Variants in NAIP observed in about 807,000 individuals in gnomAD.
NAIP encodes baculoviral IAP repeat-containing protein 1.
In NAIP, 15 loss-of-function variants were observed where a neutral mutation model predicts 23.0. That is an observed-to-expected ratio of 0.65 (90% CI 0.44 to 1.00). The LOEUF is 1.00. NAIP is among the 50% of genes least tolerant of loss of function. The probability of loss-of-function intolerance (pLI) is 0.00; values close to 1 mark genes in which losing one functional copy is unlikely to be tolerated. For synonymous variants in NAIP, 100 were observed against 100.2 expected (o/e 1.00, Z 0.01); for missense variants, 265 against 278.8 (o/e 0.95, Z 0.35).
At chr5:71,011,476 G>T in intron 4 of NAIP, 102 bp from the exon 5 acceptor site, 1 of 967,888 alleles carries the variant, frequency 1.0e-6, no homozygotes, top group Non-Finnish European at 1.6e-6. Flanking sequence ...CTCCAGCGTG[G>T]CTGTGCACTC....
At chr5:70,978,190 C>A in intron 13 of NAIP, among the ~76,000 whole-genome samples, 1 of 135,528 alleles carries the variant, frequency 7.4e-6, no homozygotes, top group African/African-American at 2.8e-5. Flanking sequence ...CTTGCTCTAT[C>A]ACCTAGGCTG....
chr5:70,978,004 A>G (rs1160094280), intron 13 of NAIP, among the ~76,000 whole-genome samples: 2 of 124,064 alleles, frequency 1.6e-5, no homozygotes, highest in African/African-American at 5.4e-5. Flanking sequence ...TCAAAAAAAA[A>G]AAAGAAACAT....
intron 4 of NAIP, 114 bp from the exon 5 acceptor site, chr5:71,011,488 C>T (rs1052911511): frequency 2.8e-5 from 24 of 856,026 alleles, no homozygotes; most frequent in African/African-American, 2.2e-4. Context: ...TGTGCACTCC[C>T]GATCTCATTG....
intron 12 of NAIP, among the ~76,000 whole-genome samples, chr5:70,980,825 G>GA (rs1368295831): frequency 2.2e-5 from 1 of 45,030 alleles, no homozygotes; most frequent in Non-Finnish European, 3.9e-5. Context: ...AGCAATAAAA[G>GA]AAAAAAACAG....
chr5:70,972,906 GT>G lies in NAIP; in HGVS notation c.3847+1222del, dbSNP rs140660294. Among the ~76,000 whole-genome samples the G allele has an allele frequency of 2.3e-4, 10 of 44,400 alleles. 1 individual carries two copies. Among genetic ancestry groups the G allele is most frequent in the African/African-American group, 1.7e-3 (9 of 5,292 alleles). The allele number at this position is 44,400 out of a possible 152,430, so 29.1% of individuals were successfully genotyped here. A position where few individuals can be genotyped will look rare whatever the true frequency, so the allele number is the denominator to read the frequency against. ...AAGTTGTCATTGTTTTTTGTTTTTT[GT>G]TTTTTTTTTTTGAGACGGAGTCTCG... On this transcript the variant is annotated intron_variant, in intron 16 of 16. Transcript: ENST00000517649.
chr5:71,012,332 A>C lies in NAIP; in HGVS notation c.568+16T>G, dbSNP rs754172182. 9 of 1,564,052 alleles carry C rather than the reference A, an allele frequency of 5.8e-6. No homozygotes were observed. The Admixed American group carries it at 9.7e-5, about 17-fold the overall frequency. ...AAAACGCCAGAGAAACACTTCAGAGAATAATTTCAAGGTACCTGTAAAGAC... is the reference window on the plus strand; with the variant it reads ...AAAACGCCAGAGAAACACTTCAGAGCATAATTTCAAGGTACCTGTAAAGAC... On this transcript the variant is annotated intron_variant, in intron 4 of 16. Coordinates refer to ENST00000517649, the MANE Select transcript of NAIP (RefSeq NM_004536.3).
At position 71,012,451 on chromosome 5, in the gene NAIP, C is replaced by A; in HGVS notation, c.465G>T (p.Arg155Ser). Reference sequence around the variant, plus strand: ...CAAGTCTAGCCTCCTCTTCTTGGTACCTCATTTTACCTCCTCTCAGCCTGC... The same window carrying A: ...CAAGTCTAGCCTCCTCTTCTTGGTAACTCATTTTACCTCCTCTCAGCCTGC... ...LKSRLRGGKM[R>S]YQEEEARLAS... The change falls in exon 4 of 17, where the codon AGG (arginine) becomes AGT (serine). Residue 155 changes from arginine to serine, a missense_variant. By Grantham distance (110) the Arg-to-Ser change is moderately radical (BLOSUM62 -1). Around this residue, in one of 2 missense-constraint regions of NAIP, gnomAD observed 261 missense variants for 259.2 expected, o/e 1.01. Coordinates refer to ENST00000517649, the MANE Select transcript of NAIP (RefSeq NM_004536.3). 2 of 1,611,604 alleles carry A rather than the reference C, an allele frequency of 1.2e-6. No individual in the cohort carries two copies. Among genetic ancestry groups the A allele is most frequent in the Non-Finnish European group, 1.7e-6 (2 of 1,178,304 alleles).
In NAIP at chr5:71,012,670, C is replaced by A. The variant is rs768947830; in HGVS notation, c.246G>T (p.Ala82=). 1 of 1,611,752 alleles carries A rather than the reference C, an allele frequency of 6.2e-7. No homozygotes were observed. ...CCCCAGTGAAGTAAAACCCAGCGGC[C>A]GCCATCTCCTGTGGTATCCATGAGC... is the stretch of plus-strand genomic sequence containing the variant. ...PYSSWIPQEM[A]AAGFYFTGVK... Residue 82 remains alanine, a synonymous_variant, in exon 4 of 17, where the codon GCG becomes GCT. Transcript: ENST00000517649.
At chr5:71,013,288 C>T (rs554721917) in intron 3 of NAIP, among the ~76,000 whole-genome samples, 16 of 151,172 alleles carry the variant, frequency 1.1e-4, no homozygotes, top group Middle Eastern at 3.4e-3. Context: ...CTGGCAGCAA[C>T]AATTTGATCG....
intron 13 of NAIP, among the ~76,000 whole-genome samples, chr5:70,979,599 T>A (rs1425175862): frequency 5.0e-5 from 5 of 100,714 alleles, no homozygotes; most frequent in East Asian, 2.6e-4. Flanking sequence ...ATAATAATAA[T>A]AATAATAATA....
At chr5:71,016,031 A>G (rs1355342786) in intron 3 of NAIP, among the ~76,000 whole-genome samples, 1 of 144,888 alleles carries the variant, frequency 6.9e-6, no homozygotes, top group Non-Finnish European at 1.5e-5. Flanking sequence ...CTATAACCCC[A>G]ATGCTCTTGA....
At chr5:70,989,820 CTT>C (rs1199975638) in intron 9 of NAIP, among the ~76,000 whole-genome samples, 11 of 6,678 alleles carry the variant, frequency 1.6e-3, no homozygotes, top group African/African-American at 6.5e-3. Context: ...CAAAGGGACA[CTT>C]TTTTTTTTTT....
intron 5 of NAIP, among the ~76,000 whole-genome samples, chr5:71,007,709 CT>C (rs1554084358): frequency 2.0e-5 from 3 of 148,870 alleles, no homozygotes; most frequent in Admixed American, 6.8e-5. Context: ...TATCCATTCA[CT>C]TTTTTTTTCT....
At position 71,012,425 on chromosome 5, in the gene NAIP, G is replaced by T. The variant is rs772712538; in HGVS notation, c.491C>A (p.Ala164Glu). The T allele has an allele frequency of 1.9e-6, 3 of 1,611,520 alleles. No individual in the cohort carries two copies. In the South Asian group the frequency reaches 3.3e-5, roughly 18 times the overall value. ...MRYQEEEARL[A>E]SFRNWPFYVQ... ...ATAAAATGGCCAGTTCCTGAAGGAC[G>T]CAAGTCTAGCCTCCTCTTCTTGGTA... The change falls in exon 4 of 17, where the codon GCG becomes GAG. Residue 164 changes from alanine (A) to glutamate (E), a missense_variant. Ala to Glu is a moderately radical substitution (Grantham distance 107, BLOSUM62 -1). Transcript: ENST00000517649.
At chr5:71,013,356 T>C (rs897577178) in intron 3 of NAIP, among the ~76,000 whole-genome samples, 3 of 151,282 alleles carry the variant, frequency 2.0e-5, no homozygotes, top group Non-Finnish European at 3.0e-5. Flanking sequence ...CTCGGTGCTC[T>C]GGCCGGGCGC....
intron 5 of NAIP, among the ~76,000 whole-genome samples, chr5:71,009,660 AG>A (rs1751054729): frequency 1.3e-5 from 2 of 151,550 alleles, no homozygotes; most frequent in African/African-American, 4.8e-5. Flanking sequence ...ACTGGGCAAC[AG>A]GGCGAGACTC....
Position 70,979,586 on chromosome 5 carries a change from A to T in NAIP, c.3442+283T>A, listed in dbSNP as rs1158936553. Among the ~76,000 whole-genome samples the T allele has an allele frequency of 5.0e-4, 18 of 35,842 alleles. 5 individuals carry two copies. The highest frequency in any genetic ancestry group is 1.0e-3 in the South Asian group (1 of 958). 23.5% of individuals were successfully genotyped at this position (35,842 alleles called of 152,430 possible). A position where few individuals can be genotyped will look rare whatever the true frequency, so the allele number is the denominator to read the frequency against. On this transcript the variant is annotated intron_variant, in intron 13 of 16. Transcript: ENST00000517649. ...GGAGACTGTCTCAAAAAAAAAAAAA[A>T]TAATAATAATAATAATAATAATAAT...
chr5:71,012,911 G>C lies in NAIP; in HGVS notation c.5C>G (p.Ala2Gly). The C allele has an allele frequency of 6.4e-7, 1 of 1,574,374 alleles. No homozygotes were observed. The highest frequency in any genetic ancestry group is 1.2e-5 in the South Asian group (1 of 85,132). M[A>G]TQQKASDERI... ...CTCGTCAGAGGCTTTCTGCTGGGTG[G>C]CCATTTTCTGAAAAGGAAAATAAAG... The change falls in exon 4 of 17, where the codon GCC becomes GGC. Residue 2 changes from alanine to glycine, a missense_variant. This residue lies in a region of NAIP where 261 missense variants were observed against 259.2 expected (regional missense o/e 1.01). Transcript: ENST00000517649.
In NAIP at chr5:71,012,793, C is replaced by T. The variant is rs1480163835; in HGVS notation, c.123G>A (p.Glu41=). ...GCATTTTTGCTCGCTCCTTCTGCTC[C>T]TCTTCTTCTAGTTCCTTTGCCAACT... The part of the protein sequence containing the change: ...AVQLAKELEE[E]EQKERAKMQK... The change falls in exon 4 of 17, where the codon GAG becomes GAA. Residue 41 remains glutamate (E), a synonymous_variant. Coordinates refer to ENST00000517649, the MANE Select transcript of NAIP (RefSeq NM_004536.3). 1 of 1,612,014 alleles carries T rather than the reference C, an allele frequency of 6.2e-7. No homozygotes were observed. The highest frequency in any genetic ancestry group is 1.3e-5 in the African/African-American group (1 of 74,884).
Sources: allele counts gnomAD v4.1 joint callset (sites outside exome capture counted in the v4.1 genomes callset), GRCh38; gene constraint gnomAD v4.1.1; regional missense constraint gnomAD v4.1.1; transcripts MANE v1.5; gene names NCBI Gene and HGNC (gene_info 2026-07-23, HGNC 2026-07-21).